The following EPB41L4A variants were observed in gnomAD, a reference collection of about 807,000 sequenced individuals.
The protein encoded by EPB41L4A is erythrocyte membrane protein band 4.1 like 4A.
A neutral mutation model predicts 108.6 loss-of-function variants in EPB41L4A; 100 were observed. The observed-to-expected ratio is 0.92, with a 90% CI of 0.78 to 1.09. The LOEUF (loss-of-function observed/expected upper bound fraction) is 1.09. EPB41L4A is among the 50% of genes least tolerant of loss of function. The probability of loss-of-function intolerance (pLI) is 0.00; values close to 1 mark genes in which losing one functional copy is unlikely to be tolerated. For synonymous variants in EPB41L4A, 319 were observed against 289.0 expected, an observed-to-expected ratio of 1.10 and a Z score of -1.05; for missense variants, 1,030 against 842.7, an observed-to-expected ratio of 1.22 and a Z score of -2.75.
intron 1 of EPB41L4A, among the ~76,000 whole-genome samples, chr5:112,324,300 G>A (rs912751487): frequency 1.3e-5 from 2 of 152,118 alleles, no homozygotes; most frequent in Non-Finnish European, 2.9e-5. Flanking sequence ...AATTACAGCT[G>A]TTCTGAAAGT....
chr5:112,402,055 C>A (rs1012364787), intron 1 of EPB41L4A, among the ~76,000 whole-genome samples: 1 of 152,188 alleles, frequency 6.6e-6, no homozygotes, highest in Non-Finnish European at 1.5e-5. Context: ...GGATTTGCGT[C>A]CCCGCCCAAA....
At chr5:112,240,149 C>T (rs1381207430) in intron 10 of EPB41L4A, among the ~76,000 whole-genome samples, 1 of 152,178 alleles carries the variant, frequency 6.6e-6, no homozygotes, top group Non-Finnish European at 1.5e-5. Context: ...ACTCTTCTGA[C>T]TGCTCCTTCT....
At chr5:112,254,081 T>C (rs1283562820) in intron 9 of EPB41L4A, among the ~76,000 whole-genome samples, 2 of 152,150 alleles carry the variant, frequency 1.3e-5, no homozygotes, top group Non-Finnish European at 2.9e-5. Context: ...ACGGGGTAAC[T>C]TTAGCTGAGG....
chr5:112,275,415 A>G lies in EPB41L4A; in HGVS notation c.257-11T>C, dbSNP rs753081054. On this transcript the variant is annotated splice_polypyrimidine_tract_variant and intron_variant, in intron 3 of 22. Transcript: ENST00000261486. ...TATATGGAGGTCCAGCTAAAATAAG[A>G]AATAGAAATTAAATTTCACTAAAAT... 6.6e-7 allele frequency: 1 copy of G among 1,526,394 alleles called. No homozygotes were observed. Among genetic ancestry groups the G allele is most frequent in the East Asian group, 2.4e-5 (1 of 41,112 alleles). 94.6% of individuals were successfully genotyped at this position (1,526,394 alleles called of 1,614,324 possible). A position where few individuals can be genotyped will look rare whatever the true frequency, so the allele number is the denominator to read the frequency against.
intron 2 of EPB41L4A, among the ~76,000 whole-genome samples, chr5:112,288,936 G>C (rs1291084626): frequency 6.6e-6 from 1 of 151,846 alleles, no homozygotes; most frequent in Non-Finnish European, 1.5e-5. Flanking sequence ...TTAAGCTCAA[G>C]TCCCATGTCA....
intron 1 of EPB41L4A, among the ~76,000 whole-genome samples, chr5:112,336,553 G>T (rs574226728): frequency 1.2e-4 from 18 of 152,316 alleles, no homozygotes; most frequent in Admixed American, 2.0e-4. Context: ...AATACTTCCA[G>T]TGGTACAAGA....
At chr5:112,373,891 C>T (rs1307771576) in intron 1 of EPB41L4A, among the ~76,000 whole-genome samples, 1 of 152,224 alleles carries the variant, frequency 6.6e-6, no homozygotes, top group Non-Finnish European at 1.5e-5. Context: ...GCTGAAATTA[C>T]ACAAGTTTGT....
intron 18 of EPB41L4A, among the ~76,000 whole-genome samples, chr5:112,176,690 T>TTCC (rs1760880139): frequency 6.6e-6 from 1 of 151,882 alleles, no homozygotes; most frequent in African/African-American, 2.4e-5. Flanking sequence ...TCTAATTGCT[T>TTCC]TCCTGCTTCC....
intron 21 of EPB41L4A, 48 bp from the exon 22 acceptor site, chr5:112,168,868 T>A: frequency 6.4e-7 from 1 of 1,554,050 alleles, no homozygotes; most frequent in Non-Finnish European, 8.9e-7. Flanking sequence ...GTATCTAGAA[T>A]CATAAATTAA....
chr5:112,251,451 T>C (rs1750660536), intron 9 of EPB41L4A, among the ~76,000 whole-genome samples: 1 of 152,098 alleles, frequency 6.6e-6, no homozygotes, highest in African/African-American at 2.4e-5. Flanking sequence ...TACAAAAGAA[T>C]GAGAAAGCTC....
At chr5:112,275,541 G>A (rs962353130) in intron 3 of EPB41L4A, 137 bp from the exon 4 acceptor site, 1 of 1,105,470 alleles carries the variant, frequency 9.0e-7, no homozygotes, top group Non-Finnish European at 1.2e-6. Context: ...AAAACAGCAA[G>A]GTTCAGAACT....
intron 2 of EPB41L4A, among the ~76,000 whole-genome samples, chr5:112,306,098 A>G (rs1053198688): frequency 5.3e-5 from 8 of 152,188 alleles, no homozygotes; most frequent in Non-Finnish European, 1.2e-4. Context: ...AAGACAGTCA[A>G]TCTTTCCAGG....
chr5:112,326,151 T>C (rs924192284), intron 1 of EPB41L4A, among the ~76,000 whole-genome samples: 8 of 152,054 alleles, frequency 5.3e-5, no homozygotes, highest in African/African-American at 1.9e-4. Context: ...CTCCATCTCT[T>C]AAAAAAAATT....
chr5:112,249,892 T>C (rs900691122), intron 9 of EPB41L4A, among the ~76,000 whole-genome samples: 1 of 152,148 alleles, frequency 6.6e-6, no homozygotes, highest in African/African-American at 2.4e-5. Flanking sequence ...CAAGAGCTAG[T>C]AAGGTTGTGG....
At chr5:112,378,615 C>A (rs1012498420) in intron 1 of EPB41L4A, among the ~76,000 whole-genome samples, 2 of 152,156 alleles carry the variant, frequency 1.3e-5, no homozygotes, top group African/African-American at 4.8e-5. Flanking sequence ...GGTAGATCCA[C>A]TGGGGTGGAG....
Position 112,301,423 on chromosome 5 carries a change from G to C in EPB41L4A, c.204+5963C>G, listed in dbSNP as rs368413408. Among the ~76,000 whole-genome samples, 10 of 152,194 alleles carry C rather than the reference G, an allele frequency of 6.6e-5. No individual in the cohort carries two copies. In the East Asian group the frequency reaches 1.3e-3, roughly 21 times the overall value. ...GATGCAGTGACTGTTATTTCCTTCT[G>C]GATCTAGCCACCCAGCAGGGCTACC... On this transcript the variant is annotated intron_variant, in intron 2 of 22. Coordinates refer to ENST00000261486, the MANE Select transcript of EPB41L4A (RefSeq NM_022140.5).
At chr5:112,325,162 C>T (rs1422187199) in intron 1 of EPB41L4A, among the ~76,000 whole-genome samples, 1 of 152,148 alleles carries the variant, frequency 6.6e-6, no homozygotes, top group African/African-American at 2.4e-5. Flanking sequence ...AGAGTCAGGG[C>T]CGGGCGCGGT....
Position 112,264,894 on chromosome 5 carries a change from A to G in EPB41L4A, c.554+2T>C, listed in dbSNP as rs1443323090. On this transcript the variant is annotated splice_donor_variant, in intron 6 of 22. Coordinates refer to ENST00000261486, the MANE Select transcript of EPB41L4A (RefSeq NM_022140.5). LOFTEE classifies it high-confidence loss of function. ...AATAAGACATGGTGTAATGATTCTT[A>G]CATTAGAGTTTTATGAATCCTTTCT... 1 of 1,609,374 alleles carries G rather than the reference A, an allele frequency of 6.2e-7. No individual in the cohort carries two copies.
intron 2 of EPB41L4A, among the ~76,000 whole-genome samples, chr5:112,294,568 G>A (rs1397133353): frequency 6.6e-6 from 1 of 152,114 alleles, no homozygotes; most frequent in Non-Finnish European, 1.5e-5. Context: ...CAGGAAGCAG[G>A]AGACATCAGA....
Sources: gnomAD v4.1 joint callset for allele counts (sites outside exome capture counted in the v4.1 genomes callset) on GRCh38, gnomAD v4.1.1 for gene constraint, MANE v1.5 for transcripts, NCBI Gene and HGNC (gene_info 2026-07-23, HGNC 2026-07-21) for gene names.